The following ZNF267 variants were observed in gnomAD, a reference collection of about 807,000 sequenced individuals.
ZNF267 encodes zinc finger protein 267.
A neutral mutation model predicts 71.6 loss-of-function variants in ZNF267; 61 were observed. That is an observed-to-expected ratio of 0.85 (90% CI 0.69 to 1.05). ZNF267 has a LOEUF of 1.05. Ranked by LOEUF, ZNF267 falls within the 50% of genes least tolerant of loss-of-function variation. ZNF267 has a pLI of 0.00. For missense variants in ZNF267, 852 were observed against 870.0 expected (o/e 0.98, Z 0.26); for synonymous variants, 288 against 293.2 (o/e 0.98, Z 0.18).
intron 3 of ZNF267, among the ~76,000 whole-genome samples, chr16:31,892,380 T>A (rs1268370876): frequency 1.3e-5 from 2 of 151,964 alleles, no homozygotes; most frequent in African/African-American, 4.8e-5. Flanking sequence ...GAATTGAAGA[T>A]AAGATTTGGG....
At position 31,884,582 on chromosome 16, in the gene ZNF267, C is replaced by T; in HGVS notation, c.88C>T (p.Gln30Ter). Residue 30 changes from glutamine (Q) to a stop codon, truncating the protein, a stop_gained, in exon 2 of 4, where the codon CAG (glutamine) becomes TAG (stop). Coordinates refer to ENST00000300870, the MANE Select transcript of ZNF267 (RefSeq NM_003414.6). LOFTEE classifies it high-confidence loss of function. ...GGAACCAGCTCAGAAGAATTTGTATCAGGATGTGATGTTAGAAAACTACAG... is the reference window on the plus strand; with the variant it reads ...GGAACCAGCTCAGAAGAATTTGTATTAGGATGTGATGTTAGAAAACTACAG... Reference protein sequence around the residue: ...HLEPAQKNLYQDVMLENYRNL... With the variant: ...HLEPAQKNLY 2 of 1,614,094 alleles carry T rather than the reference C, an allele frequency of 1.2e-6. No individual in the cohort carries two copies. The highest frequency in any genetic ancestry group is 1.7e-6 in the Non-Finnish European group (2 of 1,179,980).
chr16:31,894,735 C>G, intron 3 of ZNF267: 1 of 484,398 alleles, frequency 2.1e-6, no homozygotes, highest in Non-Finnish European at 4.1e-6. Flanking sequence ...CTAATAGTAG[C>G]CTGGTGGTGT....
chr16:31,874,830 A>C (rs1473213143), intron 1 of ZNF267, among the ~76,000 whole-genome samples: 1 of 152,144 alleles, frequency 6.6e-6, no homozygotes, highest in African/African-American at 2.4e-5. Context: ...ATAAAATATT[A>C]AATTTCCAGT....
Position 31,873,835 on chromosome 16 carries a change from C to T in ZNF267, c.-132C>T, listed in dbSNP as rs769374225. The T allele has an allele frequency of 3.1e-6, 4 of 1,303,900 alleles. No homozygotes were observed. In the African/African-American group the frequency reaches 5.8e-5, roughly 19 times the overall value. 80.8% of individuals were successfully genotyped at this position (1,303,900 alleles called of 1,614,324 possible). On this transcript the variant is annotated 5_prime_UTR_variant, in exon 1 of 4. Transcript: ENST00000300870. The stretch of plus-strand genomic sequence containing the variant: ...TAGAGCTCGGGTCTCCTCGCCACAG[C>T]TCCGAGTCTTTCGTTCTGGGAGGCC...
At chr16:31,901,158 C>A (rs1307572044) in intron 3 of ZNF267, among the ~76,000 whole-genome samples, 11 of 152,194 alleles carry the variant, frequency 7.2e-5, no homozygotes, top group South Asian at 6.2e-4. Flanking sequence ...GCATAGTATT[C>A]CATGGTGTAT....
chr16:31,905,813 G>T (rs1350145646), intron 3 of ZNF267, among the ~76,000 whole-genome samples: 4 of 152,182 alleles, frequency 2.6e-5, no homozygotes, highest in African/African-American at 7.2e-5. Flanking sequence ...GTCCAGCTTT[G>T]TTCCATTGAT....
intron 3 of ZNF267, among the ~76,000 whole-genome samples, chr16:31,906,536 C>T (rs1226010930): frequency 6.6e-6 from 1 of 152,176 alleles, no homozygotes; most frequent in Non-Finnish European, 1.5e-5. Flanking sequence ...ACTGCTGTGC[C>T]AGCAATCAGT....
chr16:31,901,671 T>C (rs977552146), intron 3 of ZNF267, among the ~76,000 whole-genome samples: 103 of 152,284 alleles, frequency 6.8e-4, no homozygotes, highest in African/African-American at 2.4e-3. Context: ...TTTGTTTGAG[T>C]TCATTGTAGA....
chr16:31,915,050 C>T lies in ZNF267; in HGVS notation c.801C>T (p.Tyr267=). The stretch of plus-strand genomic sequence containing the variant: ...GGCAAGAGAAACAAGAACAGTCTTA[C>T]AAATGTAATAAATGTGTAGAAGTTT... The part of the protein sequence containing the change: ...MHGQEKQEQS[Y]KCNKCVEVCT... Residue 267 remains tyrosine (Y), a synonymous_variant, in exon 4 of 4, where the codon TAC becomes TAT. Transcript: ENST00000300870. 1 of 1,612,866 alleles carries T rather than the reference C, an allele frequency of 6.2e-7. No homozygotes were observed. The highest frequency in any genetic ancestry group is 1.1e-5 in the South Asian group (1 of 90,628).
chr16:31,873,861 C>T lies in ZNF267; in HGVS notation c.-106C>T, dbSNP rs747856678. On this transcript the variant is annotated 5_prime_UTR_variant, in exon 1 of 4. Coordinates refer to ENST00000300870, the MANE Select transcript of ZNF267 (RefSeq NM_003414.6). The stretch of plus-strand genomic sequence containing the variant: ...TCCGAGTCTTTCGTTCTGGGAGGCC[C>T]AGGCGGCTTCGCGTTCTGAGAATAA... The T allele has an allele frequency of 6.6e-7, 1 of 1,511,488 alleles. No individual in the cohort carries two copies. Among genetic ancestry groups the T allele is most frequent in the Non-Finnish European group, 9.2e-7 (1 of 1,088,796 alleles). 93.6% of individuals were successfully genotyped at this position (1,511,488 alleles called of 1,614,324 possible). A position where few individuals can be genotyped will look rare whatever the true frequency, so the allele number is the denominator to read the frequency against.
intron 3 of ZNF267, among the ~76,000 whole-genome samples, chr16:31,910,179 A>G (rs746974342): frequency 1.3e-5 from 2 of 151,946 alleles, no homozygotes; most frequent in Non-Finnish European, 2.9e-5. Flanking sequence ...TTATTTTTAC[A>G]TAAATATTTA....
rs2084159907 is a variant in ZNF267 at position 31,914,677 on chromosome 16, C to T, written c.428C>T (p.Ser143Phe). Residue 143 changes from serine to phenylalanine, a missense_variant, in exon 4 of 4, where the codon TCT becomes TTT. Physicochemically the swap from Ser to Phe is radical, Grantham distance 155 (BLOSUM62 -2). Coordinates refer to ENST00000300870, the MANE Select transcript of ZNF267 (RefSeq NM_003414.6). ...TFKYDQFDES[S>F]VESLFHQQIL... ...AAATATGATCAATTTGATGAATCCT[C>T]TGTTGAAAGTTTGTTTCACCAGCAA... The T allele has an allele frequency of 2.2e-5, 36 of 1,614,052 alleles. No homozygotes were observed. Among genetic ancestry groups the T allele is most frequent in the Non-Finnish European group, 3.1e-5 (36 of 1,179,984 alleles).
chr16:31,915,763 C>G lies in ZNF267; in HGVS notation c.1514C>G (p.Ser505Cys). Residue 505 changes from serine to cysteine, a missense_variant, in exon 4 of 4, where the codon TCT (serine) becomes TGT (cysteine). By Grantham distance (112) the Ser-to-Cys change is moderately radical. Coordinates refer to ENST00000300870, the MANE Select transcript of ZNF267 (RefSeq NM_003414.6). ...KECGKVFSRS[S>C]CLTQHRKIHT... is the part of the protein sequence containing the mutation. Reference sequence around the variant, plus strand: ...TGTGGCAAAGTCTTTAGCCGTAGTTCTTGCCTTACTCAACATCGGAAAATT... The same window carrying G: ...TGTGGCAAAGTCTTTAGCCGTAGTTGTTGCCTTACTCAACATCGGAAAATT... The G allele has an allele frequency of 6.2e-7, 1 of 1,613,332 alleles. No homozygotes were observed. The highest frequency in any genetic ancestry group is 8.5e-7 in the Non-Finnish European group (1 of 1,179,966).
intron 3 of ZNF267, among the ~76,000 whole-genome samples, chr16:31,892,302 A>G (rs934592845): frequency 5.3e-5 from 8 of 152,172 alleles, no homozygotes; most frequent in Non-Finnish European, 1.0e-4. Flanking sequence ...TTGTCACAAG[A>G]TTAGCACAGG....
chr16:31,914,877 T>C lies in ZNF267; in HGVS notation c.628T>C (p.Phe210Leu). Residue 210 changes from phenylalanine (F) to leucine (L), a missense_variant, in exon 4 of 4, where the codon TTT (phenylalanine) becomes CTT (leucine). Physicochemically the swap from Phe to Leu is conservative, Grantham distance 22. Transcript: ENST00000300870. ...TACTCTAAATAGTTACCGAAATGTT[T>C]TTATTGGAGAGAAAAATTATCATTG... is the stretch of plus-strand genomic sequence containing the variant. ...VSTLNSYRNV[F>L]IGEKNYHCNN... is the part of the protein sequence containing the mutation. The C allele has an allele frequency of 6.2e-7, 1 of 1,612,232 alleles. No individual in the cohort carries two copies. The highest frequency in any genetic ancestry group is 8.5e-7 in the Non-Finnish European group (1 of 1,179,566).
At chr16:31,905,174 T>C (rs1457518947) in intron 3 of ZNF267, among the ~76,000 whole-genome samples, 2 of 152,244 alleles carry the variant, frequency 1.3e-5, no homozygotes, top group African/African-American at 4.8e-5. Flanking sequence ...CTGATGGGCT[T>C]CCCTTTGTGG....
intron 3 of ZNF267, chr16:31,914,228 G>T: frequency 2.4e-6 from 1 of 416,884 alleles, no homozygotes; most frequent in Non-Finnish European, 4.2e-6. Flanking sequence ...TCCCCGCCAT[G>T]CAGATGCTGC....
intron 3 of ZNF267, among the ~76,000 whole-genome samples, chr16:31,907,273 A>G (rs1225863147): frequency 2.0e-5 from 3 of 152,174 alleles, no homozygotes; most frequent in African/African-American, 7.2e-5. Flanking sequence ...TACTTCAAAT[A>G]AATTTTCTGC....
chr16:31,910,161 A>AAT (rs2084125090), intron 3 of ZNF267, among the ~76,000 whole-genome samples: 2 of 148,422 alleles, frequency 1.3e-5, no homozygotes, highest in African/African-American at 5.3e-5. Flanking sequence ...CTGTTTGCTA[A>AAT]CACTTTGTTA....
Sources: gnomAD v4.1 joint callset for allele counts (sites outside exome capture counted in the v4.1 genomes callset) on GRCh38, gnomAD v4.1.1 for gene constraint, MANE v1.5 for transcripts, NCBI Gene and HGNC (gene_info 2026-07-23, HGNC 2026-07-21) for gene names.